The following TMC7 variants were observed in gnomAD, a reference collection of about 807,000 sequenced individuals.
The protein encoded by TMC7 is transmembrane channel-like protein 7.
Under a neutral mutation model 82.9 loss-of-function variants are expected in TMC7, and 54 were observed. That is an observed-to-expected ratio of 0.65 (90% CI 0.52 to 0.82). The LOEUF (loss-of-function observed/expected upper bound fraction) is 0.82, where lower values mean the gene tolerates loss of function less well. Among genes scored for constraint, TMC7 ranks in the 40% least tolerant of loss-of-function variants. TMC7 has a pLI of 0.00. For synonymous variants in TMC7, 350 were observed against 337.9 expected, an observed-to-expected ratio of 1.04 and a Z score of -0.39; for missense variants, 820 against 901.2, an observed-to-expected ratio of 0.91 and a Z score of 1.15.
intron 12 of TMC7, chr16:19,049,616 C>T: frequency 2.0e-6 from 2 of 985,308 alleles, no homozygotes; most frequent in South Asian, 4.7e-5. Flanking sequence ...CCAGGAAATA[C>T]TGATTAGCCC....
At position 19,037,944 on chromosome 16, in the gene TMC7, A is replaced by C; in HGVS notation, c.1076A>C (p.Tyr359Ser). ...ERTSEETIRIYSLRLFLNCIV... is the reference protein window; with the variant it reads ...ERTSEETIRISSLRLFLNCIV... ...ACCTCAGAAGAAACAATACGCATTT[A>C]CTCTTTGAGACTGTTTTTGAACTGT... The change falls in exon 8 of 16, where the codon TAC (tyrosine) becomes TCC (serine). Residue 359 changes from tyrosine to serine, a missense_variant. By Grantham distance (144) the Tyr-to-Ser change is moderately radical. Coordinates refer to ENST00000304381, the MANE Select transcript of TMC7 (RefSeq NM_024847.4). 6.2e-7 allele frequency: 1 copy of C among 1,613,978 alleles called. No individual in the cohort carries two copies. Among genetic ancestry groups the C allele is most frequent in the Non-Finnish European group, 8.5e-7 (1 of 1,179,980 alleles).
At chr16:19,017,663 A>C (rs1012405606) in intron 3 of TMC7, among the ~76,000 whole-genome samples, 3 of 134,928 alleles carry the variant, frequency 2.2e-5, no homozygotes, top group Non-Finnish European at 4.6e-5. Flanking sequence ...CTCTTCAAAA[A>C]ACAGTTTTTT....
At chr16:19,051,595 A>C (rs1216962152) in intron 12 of TMC7, 91 bp from the exon 13 acceptor site, 1 of 1,452,620 alleles carries the variant, frequency 6.9e-7, no homozygotes, top group Non-Finnish European at 9.5e-7. Flanking sequence ...AGAGTGATTA[A>C]CATTCCCACT....
chr16:19,005,214 A>G (rs7186119), intron 1 of TMC7, among the ~76,000 whole-genome samples: 130,467 of 151,844 alleles, frequency 0.86, 56,828 homozygotes, highest in Non-Finnish European at 0.94. Context: ...TCAGCCTCCC[A>G]AGTTAGCTGG....
chr16:19,004,750 G>C (rs978765602), intron 1 of TMC7, among the ~76,000 whole-genome samples: 6 of 152,194 alleles, frequency 3.9e-5, no homozygotes, highest in African/African-American at 1.2e-4. Context: ...TTTGGGGTCT[G>C]ATAAACCTGT....
intron 6 of TMC7, among the ~76,000 whole-genome samples, chr16:19,032,306 G>T (rs186186316): frequency 3.9e-5 from 6 of 152,270 alleles, no homozygotes; most frequent in African/African-American, 1.4e-4. Context: ...TCCTGAGTTA[G>T]AATCTGTGAG....
At chr16:19,054,374 C>T (rs1364966414) in intron 13 of TMC7, among the ~76,000 whole-genome samples, 2 of 151,976 alleles carry the variant, frequency 1.3e-5, no homozygotes, top group Non-Finnish European at 2.9e-5. Flanking sequence ...CCATGATCTT[C>T]CCCCCCAACC....
chr16:19,061,700 C>T (rs976050792), intron 15 of TMC7, 78 bp from the exon 16 acceptor site: 48 of 1,266,148 alleles, frequency 3.8e-5, no homozygotes, highest in Middle Eastern at 3.8e-4. Context: ...TTAGAATCCT[C>T]AGCCCTCAGT....
chr16:18,993,481 G>A (rs1041464777), intron 1 of TMC7, among the ~76,000 whole-genome samples: 1 of 152,208 alleles, frequency 6.6e-6, no homozygotes, highest in African/African-American at 2.4e-5. Context: ...GGAAACTTCA[G>A]TAGAAGAGTA....
At chr16:19,012,582 A>G (rs191447074) in intron 2 of TMC7, among the ~76,000 whole-genome samples, 1 of 152,022 alleles carries the variant, frequency 6.6e-6, no homozygotes, top group African/African-American at 2.4e-5. Context: ...TGAGGTCAGG[A>G]GTTCGAGAAC....
intron 11 of TMC7, among the ~76,000 whole-genome samples, chr16:19,045,778 A>T (rs1440153684): frequency 6.6e-6 from 1 of 151,594 alleles, no homozygotes; most frequent in Non-Finnish European, 1.5e-5. Flanking sequence ...TTGTATTTTT[A>T]GTAGAGATGG....
chr16:19,035,204 T>G (rs1960689327), intron 6 of TMC7, among the ~76,000 whole-genome samples: 1 of 152,140 alleles, frequency 6.6e-6, no homozygotes, highest in Admixed American at 6.6e-5. Context: ...TGTTCTCACT[T>G]ATTAGTGGGA....
At chr16:19,040,197 CAA>C in intron 8 of TMC7, 90 bp from the exon 9 acceptor site, 1 of 1,109,962 alleles carries the variant, frequency 9.0e-7, no homozygotes, top group South Asian at 1.6e-5. Context: ...TTTGTTTGCC[CAA>C]CACACATAGT....
chr16:19,006,734 G>A (rs1348111607), intron 1 of TMC7, among the ~76,000 whole-genome samples: 1 of 152,254 alleles, frequency 6.6e-6, no homozygotes, highest in East Asian at 1.9e-4. Context: ...TGCTGCCTGG[G>A]ATGTCTGCTG....
intron 1 of TMC7, among the ~76,000 whole-genome samples, chr16:19,003,368 C>T (rs2039174606): frequency 6.6e-6 from 1 of 152,034 alleles, no homozygotes; most frequent in Admixed American, 6.6e-5. Context: ...AGTGAGGAGC[C>T]CCTCTGCCCG....
intron 6 of TMC7, among the ~76,000 whole-genome samples, chr16:19,031,995 T>A (rs1422661973): frequency 1.3e-5 from 2 of 152,204 alleles, no homozygotes; most frequent in Non-Finnish European, 2.9e-5. Flanking sequence ...TGCTTCTGGC[T>A]GGGCAGCTAT....
chr16:19,006,203 C>CTT (rs780064058), intron 1 of TMC7, among the ~76,000 whole-genome samples: 3 of 142,304 alleles, frequency 2.1e-5, no homozygotes, highest in African/African-American at 7.7e-5. Context: ...CCAGGGTGAC[C>CTT]TTTTTTTTTT....
chr16:19,009,282 G>A lies in TMC7; in HGVS notation c.178G>A (p.Asp60Asn). The A allele has an allele frequency of 1.2e-6, 2 of 1,614,156 alleles. No homozygotes were observed. The highest frequency in any genetic ancestry group is 1.7e-6 in the Non-Finnish European group (2 of 1,180,038). The change falls in exon 2 of 16, where the codon GAC (aspartate) becomes AAC (asparagine). Residue 60 changes from aspartate (D) to asparagine (N), a missense_variant. Transcript: ENST00000304381. ...TAGGAGAACGACTGTCCATTCCCGG[G>A]ACAAGCAAAGCGGAACTTTGCTAAA... ...ARRRTTVHSR[D>N]KQSGTLLKPT...
At chr16:19,012,855 G>C (rs1959448926) in intron 2 of TMC7, among the ~76,000 whole-genome samples, 1 of 144,998 alleles carries the variant, frequency 6.9e-6, no homozygotes, top group African/African-American at 2.5e-5. Context: ...AAGGAGAAAG[G>C]ATCATTCTTT....
Sources: allele counts gnomAD v4.1 joint callset (sites outside exome capture counted in the v4.1 genomes callset), GRCh38; gene constraint gnomAD v4.1.1; transcripts MANE v1.5; gene names NCBI Gene and HGNC (gene_info 2026-07-23, HGNC 2026-07-21).